IMMP2L: variants seen among roughly 807,000 people sequenced by gnomAD.
IMMP2L encodes inner mitochondrial membrane peptidase subunit 2.
In IMMP2L, 18 loss-of-function variants were observed where a neutral mutation model predicts 19.3. That is an observed-to-expected ratio of 0.93 (90% CI 0.64 to 1.38). The LOEUF (loss-of-function observed/expected upper bound fraction) is 1.38. IMMP2L is among the 40% of genes most tolerant of loss of function. The pLI, the probability that IMMP2L is intolerant of heterozygous loss-of-function variation, is 0.00. For synonymous variants in IMMP2L, 76 were observed against 73.0 expected (o/e 1.04, Z -0.21); for missense variants, 233 against 218.2 (o/e 1.07, Z -0.43).
intron 1 of IMMP2L, among the ~76,000 whole-genome samples, chr7:111,529,081 A>C (rs1847152245): frequency 6.6e-6 from 1 of 152,162 alleles, no homozygotes; most frequent in African/African-American, 2.4e-5. Flanking sequence ...TTAAGTGCCT[A>C]CTTTGTGCTA....
intron 3 of IMMP2L, among the ~76,000 whole-genome samples, chr7:110,991,799 A>C (rs2129559677): frequency 6.6e-6 from 1 of 152,232 alleles, no homozygotes; most frequent in South Asian, 2.1e-4. Flanking sequence ...TCTGGCACAC[A>C]TGGTTTCCAC....
intron 3 of IMMP2L, among the ~76,000 whole-genome samples, chr7:111,206,132 T>C (rs934978481): frequency 6.6e-6 from 1 of 152,184 alleles, no homozygotes; most frequent in Non-Finnish European, 1.5e-5. Flanking sequence ...TATCTTATTC[T>C]TACACAGCTG....
Position 111,188,258 on chromosome 7 carries a change from G to A in IMMP2L, c.240-224693C>T, listed in dbSNP as rs1170005084. ...TTCATGGTGCTCCTGTCTTAGTACA[G>A]GCTGCGATTAACAAAGTGCCATAAA... is the stretch of plus-strand genomic sequence containing the variant. On this transcript the variant is annotated intron_variant, in intron 3 of 5. Transcript: ENST00000405709. 2.0e-5 allele frequency among the ~76,000 whole-genome samples: 3 copies of A among 152,238 alleles called. No individual in the cohort carries two copies. In the East Asian group the frequency reaches 5.8e-4, roughly 29 times the overall value.
intron 3 of IMMP2L, among the ~76,000 whole-genome samples, chr7:111,000,376 T>C (rs1413614032): frequency 6.6e-6 from 1 of 152,176 alleles, no homozygotes; most frequent in Non-Finnish European, 1.5e-5. Flanking sequence ...TTAGACATGA[T>C]AACACCCCTT....
At chr7:111,410,653 TTAAAA>T (rs1834325368) in intron 3 of IMMP2L, among the ~76,000 whole-genome samples, 1 of 151,358 alleles carries the variant, frequency 6.6e-6, no homozygotes, top group Non-Finnish European at 1.5e-5. Context: ...AAAACAGCTA[TTAAAA>T]TAAGTTCAAT....
At chr7:111,538,816 T>TAAAAAAA (rs768599585) in intron 1 of IMMP2L, among the ~76,000 whole-genome samples, 2 of 82,430 alleles carry the variant, frequency 2.4e-5, no homozygotes, top group East Asian at 3.3e-4. Context: ...CTGGCTCATT[T>TAAAAAAA]AAAAAAAAAA....
At chr7:111,027,219 C>T (rs1585828751) in intron 3 of IMMP2L, among the ~76,000 whole-genome samples, 1 of 152,190 alleles carries the variant, frequency 6.6e-6, no homozygotes, top group Middle Eastern at 3.4e-3. Flanking sequence ...AGAGAACAAA[C>T]AATATTGTAT....
chr7:110,663,810 G>T (rs1791233864), intron 5 of IMMP2L, 89 bp from the exon 6 acceptor site: 2 of 849,868 alleles, frequency 2.4e-6, no homozygotes, highest in East Asian at 2.8e-5. Context: ...TTTAATCCAG[G>T]TTTAACATCC....
chr7:111,532,373 G>A (rs1847474684), intron 1 of IMMP2L: 1 of 152,110 alleles, frequency 6.6e-6, no homozygotes, highest in Non-Finnish European at 1.5e-5. Flanking sequence ...AAGCGGAATT[G>A]AAAAACTTTT....
intron 3 of IMMP2L, among the ~76,000 whole-genome samples, chr7:111,008,397 T>C (rs1355186461): frequency 1.3e-5 from 2 of 152,100 alleles, no homozygotes; most frequent in African/African-American, 4.8e-5. Context: ...CTAAGATTGC[T>C]CTTCCCCCAG....
chr7:111,364,540 C>T (rs1358946670), intron 3 of IMMP2L, among the ~76,000 whole-genome samples: 1 of 149,676 alleles, frequency 6.7e-6, no homozygotes, highest in African/African-American at 2.5e-5. Context: ...CAGGCTGAGA[C>T]ACAAGAATCA....
intron 5 of IMMP2L, among the ~76,000 whole-genome samples, chr7:110,864,027 C>T (rs1807725548): frequency 6.6e-6 from 1 of 151,986 alleles, no homozygotes; most frequent in Non-Finnish European, 1.5e-5. Flanking sequence ...TACATTCTAC[C>T]CCACGTAACA....
chr7:111,074,629 A>G (rs1770033138), intron 3 of IMMP2L, among the ~76,000 whole-genome samples: 1 of 152,216 alleles, frequency 6.6e-6, no homozygotes, highest in Non-Finnish European at 1.5e-5. Flanking sequence ...ATCTACACAG[A>G]CACAGCTGGA....
chr7:111,111,489 T>C (rs563889148), intron 3 of IMMP2L, among the ~76,000 whole-genome samples: 49 of 151,282 alleles, frequency 3.2e-4, no homozygotes, highest in Admixed American at 1.1e-3. Context: ...TAAGGCAAAA[T>C]GTATTTCATT....
intron 3 of IMMP2L, among the ~76,000 whole-genome samples, chr7:111,429,713 C>G (rs1398191308): frequency 6.6e-6 from 1 of 151,890 alleles, no homozygotes; most frequent in African/African-American, 2.4e-5. Context: ...ACTCCCACAA[C>G]TAAATTTTGC....
At chr7:111,556,949 G>A (rs1472229059) in intron 1 of IMMP2L, among the ~76,000 whole-genome samples, 2 of 152,042 alleles carry the variant, frequency 1.3e-5, no homozygotes, top group Non-Finnish European at 2.9e-5. Context: ...CAGGTCCAAA[G>A]TTGAACTCAT....
intron 5 of IMMP2L, among the ~76,000 whole-genome samples, chr7:110,707,031 T>G (rs1214630917): frequency 1.7e-5 from 2 of 117,820 alleles, no homozygotes; most frequent in South Asian, 3.1e-4. Context: ...ATACTCTAAG[T>G]TTTAGGGTAC....
intron 3 of IMMP2L, among the ~76,000 whole-genome samples, chr7:110,973,948 G>A (rs574832338): frequency 3.3e-5 from 5 of 152,150 alleles, no homozygotes; most frequent in South Asian, 2.1e-4. Flanking sequence ...GGGCCAAACC[G>A]TCATCTTCAT....
At chr7:110,793,507 A>G (rs1032238620) in intron 5 of IMMP2L, among the ~76,000 whole-genome samples, 1 of 152,094 alleles carries the variant, frequency 6.6e-6, no homozygotes, top group East Asian at 1.9e-4. Context: ...CCAAAACCCT[A>G]TTGAAATAAA....
Sources: allele counts gnomAD v4.1 joint callset (sites outside exome capture counted in the v4.1 genomes callset), GRCh38; gene constraint gnomAD v4.1.1; transcripts MANE v1.5; gene names NCBI Gene and HGNC (gene_info 2026-07-23, HGNC 2026-07-21).